Variants in SNAPC4 observed in about 807,000 individuals in gnomAD.
SNAPC4 encodes the protein small nuclear RNA activating complex polypeptide 4.
Under a neutral mutation model 151.3 loss-of-function variants are expected in SNAPC4, and 127 were observed. The observed-to-expected ratio is 0.84, with a 90% CI of 0.73 to 0.97. The LOEUF is 0.97. Among genes scored for constraint, SNAPC4 ranks in the 50% least tolerant of loss-of-function variants. The probability of loss-of-function intolerance (pLI) is 0.00; values close to 1 mark genes in which losing one functional copy is unlikely to be tolerated. For synonymous variants in SNAPC4, 1,002 were observed against 824.4 expected, an observed-to-expected ratio of 1.22 and a Z score of -3.69; for missense variants, 2,186 against 1,935.0, an observed-to-expected ratio of 1.13 and a Z score of -2.43.
rs777589064 is a variant in SNAPC4 at position 136,394,863 on chromosome 9, C to T, written c.487G>A (p.Glu163Lys). ...TGGGCAGCCTTCTCTCGTGTGTCCT[C>T]GTTGGCAGGTGGCCCCTGTCAGGGT... Reference protein sequence around the residue: ...KVTGVGPPANEDTREKAAQGI... With the variant: ...KVTGVGPPANKDTREKAAQGI... The change falls in exon 6 of 24, where the codon GAG becomes AAG. Residue 163 changes from glutamate to lysine, a missense_variant. Transcript: ENST00000684778. 1.1e-5 allele frequency: 18 copies of T among 1,613,712 alleles called. No individual in the cohort carries two copies. Among genetic ancestry groups the T allele is most frequent in the Admixed American group, 5.0e-5 (3 of 60,002 alleles).
At position 136,383,175 on chromosome 9, in the gene SNAPC4, C is replaced by A; in HGVS notation, c.1983+11G>T. On this transcript the variant is annotated intron_variant, in intron 16 of 23. Transcript: ENST00000684778. The surrounding 1 kb of genome is among the most constrained non-coding windows in gnomAD (Gnocchi z 4.2). ...TGCACTTCCCGTGGTACACCCAGGG[C>A]CGGGGCCTACCTCCAGGGCCTGCTT... 6.6e-7 allele frequency: 1 copy of A among 1,522,320 alleles called. No individual in the cohort carries two copies. The highest frequency in any genetic ancestry group is 1.3e-5 in the South Asian group (1 of 76,508). 94.3% of individuals were successfully genotyped at this position (1,522,320 alleles called of 1,614,324 possible). A position where few individuals can be genotyped will look rare whatever the true frequency, so the allele number is the denominator to read the frequency against.
intron 10 of SNAPC4, among the ~76,000 whole-genome samples, chr9:136,390,607 C>T (rs1834037100): frequency 6.8e-6 from 1 of 146,828 alleles, no homozygotes. Context: ...TGAGCTAACG[C>T]AAGCTGGGCT....
Position 136,392,667 on chromosome 9 carries a change from C to T in SNAPC4, c.737+6G>A, listed in dbSNP as rs1404395068. ...CCCCTGGGCCCTCCCGGGAGGCCCC[C>T]CTCACTTGATGTCCTGGATCTCCTT... is the stretch of plus-strand genomic sequence containing the variant. On this transcript the variant is annotated splice_donor_region_variant and intron_variant, in intron 8 of 23. Transcript: ENST00000684778. The T allele has an allele frequency of 7.4e-6, 12 of 1,613,540 alleles. No individual in the cohort carries two copies. Among genetic ancestry groups the T allele is most frequent in the Admixed American group, 1.7e-5 (1 of 60,030 alleles).
chr9:136,394,541 G>A (rs1834193027), intron 6 of SNAPC4, among the ~76,000 whole-genome samples: 2 of 152,316 alleles, frequency 1.3e-5, no homozygotes, highest in South Asian at 4.1e-4. Context: ...AGGGCTTTGC[G>A]GCCCAAGACA....
intron 2 of SNAPC4, 51 bp from the exon 3 acceptor site, chr9:136,397,074 G>A (rs1040251122): frequency 1.3e-6 from 2 of 1,528,118 alleles, no homozygotes; most frequent in Non-Finnish European, 1.8e-6. Context: ...CTTGGGCAGG[G>A]TGGGGGCGCA....
intron 3 of SNAPC4, among the ~76,000 whole-genome samples, chr9:136,396,016 A>G (rs1448659400): frequency 6.6e-6 from 1 of 152,246 alleles, no homozygotes; most frequent in Non-Finnish European, 1.5e-5. Flanking sequence ...AGAGCCTCCA[A>G]CCTGGAACAC....
At chr9:136,382,173 T>C (rs924422657) in intron 17 of SNAPC4, 80 bp downstream of exon 17, 3 of 1,587,006 alleles carry the variant, frequency 1.9e-6, no homozygotes, top group Non-Finnish European at 2.6e-6. Flanking sequence ...CATCAGGGCA[T>C]GATCGACGGG....
rs112445711 is a variant in SNAPC4, at chr9:136,388,307, C to T, written c.1123+137G>A. ...AAAAGTCACTTGAGTCACCAAGAAGCGAACTGTGGAACAGCCAGGACTGTC... is the reference window on the plus strand; with the variant it reads ...AAAAGTCACTTGAGTCACCAAGAAGTGAACTGTGGAACAGCCAGGACTGTC... On this transcript the variant is annotated intron_variant, in intron 11 of 23. Coordinates refer to ENST00000684778, the MANE Select transcript of SNAPC4 (RefSeq NM_003086.4). 1.8e-4 allele frequency: 141 copies of T among 774,134 alleles called. No individual in the cohort carries two copies. The African/African-American group carries it at 2.2e-3, about 12-fold the overall frequency. The allele number at this position is 774,134 out of a possible 1,614,324, so 48.0% of individuals were successfully genotyped here. A position where few individuals can be genotyped will look rare whatever the true frequency, so the allele number is the denominator to read the frequency against.
At chr9:136,385,039 C>T (rs1371243857) in intron 13 of SNAPC4, among the ~76,000 whole-genome samples, 4 of 152,228 alleles carry the variant, frequency 2.6e-5, no homozygotes, top group Admixed American at 6.5e-5. Flanking sequence ...TTGCAAGTCA[C>T]GTGTCCGATA....
chr9:136,391,261 C>T (rs1390700764), intron 10 of SNAPC4, among the ~76,000 whole-genome samples: 2 of 152,166 alleles, frequency 1.3e-5, no homozygotes, highest in Admixed American at 6.6e-5. Context: ...TAATCAGGTG[C>T]TCTGCCATAA....
At position 136,377,848 on chromosome 9, in the gene SNAPC4, T is replaced by C. The variant is rs922137921; in HGVS notation, c.3979A>G (p.Lys1327Glu). Reference protein sequence around the residue: ...LLLHKKALEHKATSLVVGGEA... With the variant: ...LLLHKKALEHEATSLVVGGEA... ...CCCCCCACCACCAGGGAGGTGGCCTTGTGCTCCAGGGCCTTCTTGTGGAGT... is the reference window on the plus strand; with the variant it reads ...CCCCCCACCACCAGGGAGGTGGCCTCGTGCTCCAGGGCCTTCTTGTGGAGT... Residue 1327 changes from lysine (K) to glutamate (E), a missense_variant, in exon 22 of 24, where the codon AAG (lysine) becomes GAG (glutamate). Physicochemically the swap from Lys to Glu is moderately conservative, Grantham distance 56. Transcript: ENST00000684778. 4 of 1,611,398 alleles carry C rather than the reference T, an allele frequency of 2.5e-6. No homozygotes were observed. The highest frequency in any genetic ancestry group is 1.7e-5 in the Admixed American group (1 of 59,994).
intron 5 of SNAPC4, 94 bp from the exon 6 acceptor site, chr9:136,394,972 T>TC: frequency 9.2e-7 from 1 of 1,089,318 alleles, no homozygotes; most frequent in Non-Finnish European, 1.3e-6. Context: ...GGACTCGGGC[T>TC]CCCCCTGCCT....
chr9:136,378,977 T>A lies in SNAPC4; in HGVS notation c.2850A>T (p.Val950=), dbSNP rs765696300. The change falls in exon 22 of 24, where the codon GTA becomes GTT. Residue 950 remains valine, a synonymous_variant. Coordinates refer to ENST00000684778, the MANE Select transcript of SNAPC4 (RefSeq NM_003086.4). ...RPAPGPTVLN[V]PLSGPGAPAA... is the part of the protein sequence containing the mutation. ...CGGGGGCCCCAGGCCCAGAGAGCGG[T>A]ACATTTAAGACGGTGGGACCCGGGG... 6.8e-6 allele frequency: 11 copies of A among 1,608,484 alleles called. No homozygotes were observed. Among genetic ancestry groups the A allele is most frequent in the African/African-American group, 1.3e-5 (1 of 74,902 alleles).
chr9:136,386,643 A>G (rs1833899799), intron 13 of SNAPC4, among the ~76,000 whole-genome samples: 1 of 151,962 alleles, frequency 6.6e-6, no homozygotes, highest in Admixed American at 6.6e-5. Flanking sequence ...CATGTTGGTC[A>G]GGCTGGTCTC....
Position 136,392,737 on chromosome 9 carries a change from C to G in SNAPC4, c.673G>C (p.Glu225Gln). Residue 225 changes from glutamate (E) to glutamine (Q), a missense_variant, in exon 8 of 24, where the codon GAG becomes CAG. Glu to Gln is a conservative substitution (Grantham distance 29). Coordinates refer to ENST00000684778, the MANE Select transcript of SNAPC4 (RefSeq NM_003086.4). Reference sequence around the variant, plus strand: ...TTCTCCAGGGCTTGCCTCTCCAGCTCACTGGAGACTTTGCTCTGCTTCTGG... The same window carrying G: ...TTCTCCAGGGCTTGCCTCTCCAGCTGACTGGAGACTTTGCTCTGCTTCTGG... ...LHQKQSKVSS[E>Q]LERQALEKQG... 2 of 1,613,730 alleles carry G rather than the reference C, an allele frequency of 1.2e-6. No individual in the cohort carries two copies. The highest frequency in any genetic ancestry group is 1.1e-5 in the South Asian group (1 of 91,090).
rs1834114701 is a variant in SNAPC4 at position 136,392,508 on chromosome 9, T to C, written c.810+14A>G. 2 of 1,612,598 alleles carry C rather than the reference T, an allele frequency of 1.2e-6. No homozygotes were observed. The highest frequency in any genetic ancestry group is 1.7e-6 in the Non-Finnish European group (2 of 1,179,282). On this transcript the variant is annotated intron_variant, in intron 9 of 23. Coordinates refer to ENST00000684778, the MANE Select transcript of SNAPC4 (RefSeq NM_003086.4). ...CTCCAAGCTGCTTGGGGCTCAGACC[T>C]GCCCCTGACTTACGTTAATATTGGA...
At chr9:136,382,442 C>T (rs908181010) in intron 16 of SNAPC4, 106 bp from the exon 17 acceptor site, 102 of 975,628 alleles carry the variant, frequency 1.0e-4, no homozygotes, top group African/African-American at 4.5e-4. Context: ...GGCTCCAAAG[C>T]GTGGCTGTGT....
chr9:136,378,567 G>A lies in SNAPC4; in HGVS notation c.3260C>T (p.Pro1087Leu). The A allele has an allele frequency of 1.9e-6, 3 of 1,591,892 alleles. No homozygotes were observed. The highest frequency in any genetic ancestry group is 2.6e-6 in the Non-Finnish European group (3 of 1,172,584). The change falls in exon 22 of 24, where the codon CCT becomes CTT. Residue 1087 changes from proline (P) to leucine (L), a missense_variant. Pro to Leu is a moderately conservative substitution (Grantham distance 98). Transcript: ENST00000684778. ...GCTCACCACAGCTGGTACAGGAACA[G>A]GGAGAAGCCCCTGGGCTGTGAGCAC... ...TWVLTAQGLLPVPVPAVVSLP... is the reference protein window; with the variant it reads ...TWVLTAQGLLLVPVPAVVSLP...
intron 2 of SNAPC4, 92 bp from the exon 3 acceptor site, chr9:136,397,115 G>A (rs1358094278): frequency 8.8e-7 from 1 of 1,130,220 alleles, no homozygotes; most frequent in Non-Finnish European, 1.4e-6. Flanking sequence ...CAGACCTGGG[G>A]TTGTGAGGTA....
Sources: gnomAD v4.1 joint callset for allele counts (sites outside exome capture counted in the v4.1 genomes callset) on GRCh38, gnomAD v4.1.1 for gene constraint, Gnocchi (gnomAD v3.1) non-coding constraint, MANE v1.5 for transcripts, NCBI Gene and HGNC (gene_info 2026-07-23, HGNC 2026-07-21) for gene names.